Variants in CES5A observed in about 807,000 individuals in gnomAD.
The protein encoded by CES5A is carboxylesterase 5A, also known as carboxylesterase 5.
A neutral mutation model predicts 62.9 loss-of-function variants in CES5A; 67 were observed. The ratio of observed to expected loss-of-function variants is 1.07; its 90% CI spans 0.88 to 1.31. The LOEUF is 1.31. Among genes scored for constraint, CES5A ranks in the 50% most tolerant of loss-of-function variants. The pLI is 0.00. For missense variants in CES5A, 748 were observed against 708.5 expected (o/e 1.06, Z -0.63); for synonymous variants, 296 against 280.8 (o/e 1.05, Z -0.54).
At chr16:55,921,478 G>A (rs1203480387) in intron 1 of CES5A, among the ~76,000 whole-genome samples, 2 of 151,218 alleles carry the variant, frequency 1.3e-5, no homozygotes, top group Non-Finnish European at 3.0e-5. Flanking sequence ...AGTGCTGAAA[G>A]AAAAAAAACT....
chr16:55,940,713 A>G (rs1349711414), intron 2 of CES5A, among the ~76,000 whole-genome samples: 1 of 151,966 alleles, frequency 6.6e-6, no homozygotes, highest in Admixed American at 6.5e-5. Context: ...AAAAATAGCG[A>G]CAAATAGAAA....
chr16:55,883,342 G>A (rs1439767905), intron 1 of CES5A, among the ~76,000 whole-genome samples: 3 of 152,142 alleles, frequency 2.0e-5, no homozygotes, highest in Non-Finnish European at 2.9e-5. Flanking sequence ...TGGCAGGATG[G>A]CTCACTGCAA....
chr16:55,904,666 A>G (rs185090132), intron 1 of CES5A, among the ~76,000 whole-genome samples: 234 of 152,340 alleles, frequency 1.5e-3, no homozygotes, highest in Non-Finnish European at 2.6e-3. Flanking sequence ...TCCATTATAG[A>G]AAAAAGGAAA....
intron 1 of CES5A, among the ~76,000 whole-genome samples, chr16:55,950,884 C>T (rs965748087): frequency 2.6e-5 from 4 of 151,650 alleles, no homozygotes; most frequent in African/African-American, 4.9e-5. Flanking sequence ...AGATGGATCA[C>T]GAGGACAGGA....
intron 1 of CES5A, among the ~76,000 whole-genome samples, chr16:55,890,655 A>T (rs1182193520): frequency 6.6e-6 from 1 of 152,180 alleles, no homozygotes; most frequent in East Asian, 1.9e-4. Flanking sequence ...AAATCTAGTG[A>T]TATATAAAAA....
intron 2 of CES5A, among the ~76,000 whole-genome samples, chr16:55,944,834 A>G (rs2034477800): frequency 6.6e-6 from 1 of 152,116 alleles, no homozygotes; most frequent in Non-Finnish European, 1.5e-5. Flanking sequence ...TTTAAATCTC[A>G]ATCTCATTCA....
intron 4 of CES5A, among the ~76,000 whole-genome samples, chr16:55,868,589 A>G (rs1322936975): frequency 6.6e-6 from 1 of 152,114 alleles, no homozygotes; most frequent in East Asian, 1.9e-4. Flanking sequence ...CTTCTTGGTA[A>G]TGTGGATATT....
intron 1 of CES5A, among the ~76,000 whole-genome samples, chr16:55,904,794 C>G (rs2034023568): frequency 6.6e-6 from 1 of 152,140 alleles, no homozygotes; most frequent in East Asian, 1.9e-4. Context: ...AGACACTCAT[C>G]TTTCTAGTCT....
chr16:55,904,283 T>C (rs1194004817), intron 1 of CES5A, among the ~76,000 whole-genome samples: 2 of 152,234 alleles, frequency 1.3e-5, no homozygotes, highest in African/African-American at 4.8e-5. Flanking sequence ...AGGCTAGAAA[T>C]GAAATATAAT....
At chr16:55,847,926 T>A (rs1484194618) in intron 11 of CES5A, among the ~76,000 whole-genome samples, 2 of 152,118 alleles carry the variant, frequency 1.3e-5, no homozygotes, top group Non-Finnish European at 2.9e-5. Flanking sequence ...TTTATTTTTA[T>A]AAAGATGGGG....
intron 1 of CES5A, among the ~76,000 whole-genome samples, chr16:55,904,560 C>T (rs1022116889): frequency 3.3e-5 from 5 of 152,318 alleles, no homozygotes; most frequent in South Asian, 4.1e-4. Context: ...CACCACCTGA[C>T]CAGTGATTAC....
intron 1 of CES5A, among the ~76,000 whole-genome samples, chr16:55,921,983 A>G (rs1438353447): frequency 6.6e-6 from 1 of 152,016 alleles, no homozygotes; most frequent in Non-Finnish European, 1.5e-5. Context: ...AACTTGTTAT[A>G]TCTATAAGAT....
At chr16:55,938,084 T>C (rs2034396813) in intron 2 of CES5A, among the ~76,000 whole-genome samples, 1 of 152,194 alleles carries the variant, frequency 6.6e-6, no homozygotes, top group South Asian at 2.1e-4. Context: ...GAATAAGCTA[T>C]GTCATCTCTA....
In CES5A at chr16:55,873,987, C is replaced by T. The variant is rs746852069; in HGVS notation, c.124G>A (p.Gly42Ser). 1 of 1,612,118 alleles carries T rather than the reference C, an allele frequency of 6.2e-7. No homozygotes were observed. Among genetic ancestry groups the T allele is most frequent in the Non-Finnish European group, 8.5e-7 (1 of 1,179,432 alleles). The part of the protein sequence containing the change: ...QRNTRLGWIQ[G>S]KQVTVLGSPV... The stretch of plus-strand genomic sequence containing the variant: ...CTTCCCAGCACAGTGACTTGCTTGC[C>T]CTGAATCCATCCCAGCCTGGTGTTC... Residue 42 changes from glycine to serine, a missense_variant, in exon 2 of 13, where the codon GGC becomes AGC. Coordinates refer to ENST00000290567, the MANE Select transcript of CES5A (RefSeq NM_001143685.2).
chr16:55,862,666 T>A (rs1345321393), intron 6 of CES5A, among the ~76,000 whole-genome samples: 1 of 152,238 alleles, frequency 6.6e-6, no homozygotes, highest in Non-Finnish European at 1.5e-5. Context: ...TGTAAGATGT[T>A]TAAGAAAATT....
At chr16:55,910,293 C>A (rs1767735511) in intron 1 of CES5A, among the ~76,000 whole-genome samples, 1 of 152,208 alleles carries the variant, frequency 6.6e-6, no homozygotes, top group South Asian at 2.1e-4. Flanking sequence ...TAGCTGCTTA[C>A]CCCACACCTG....
chr16:55,853,753 G>A (rs2142387114), intron 9 of CES5A, among the ~76,000 whole-genome samples: 1 of 152,274 alleles, frequency 6.6e-6, no homozygotes, highest in South Asian at 2.1e-4. Context: ...CTGCCTCCCA[G>A]GCTTCTCCCT....
At chr16:55,854,259 C>T (rs2033187920) in intron 9 of CES5A, among the ~76,000 whole-genome samples, 1 of 152,108 alleles carries the variant, frequency 6.6e-6, no homozygotes. Flanking sequence ...CTAGGAGAAA[C>T]ACATGCCCTT....
At chr16:55,947,648 T>C (rs79538753) in intron 2 of CES5A, among the ~76,000 whole-genome samples, 2,145 of 152,110 alleles carry the variant, frequency 0.014, 27 homozygotes, top group South Asian at 0.021. Context: ...GAGAGGAAGT[T>C]AGTGTCATTG....
Sources: gnomAD v4.1 joint callset for allele counts (sites outside exome capture counted in the v4.1 genomes callset) on GRCh38, gnomAD v4.1.1 for gene constraint, MANE v1.5 for transcripts, NCBI Gene and HGNC (gene_info 2026-07-23, HGNC 2026-07-21) for gene names.